EDIL3: variants seen among roughly 807,000 people sequenced by gnomAD.
The protein encoded by EDIL3 is EGF like and discoidin domains 3, also known as EGF-like repeat and discoidin I-like domain-containing protein 3.
In EDIL3, 37 loss-of-function variants were observed where a neutral mutation model predicts 67.4. The ratio of observed to expected loss-of-function variants is 0.55; its 90% CI spans 0.42 to 0.72. The LOEUF is 0.72. Among genes scored for constraint, EDIL3 ranks in the 30% least tolerant of loss-of-function variants. The probability of loss-of-function intolerance (pLI) is 0.00; values close to 1 mark genes in which losing one functional copy is unlikely to be tolerated. For synonymous variants in EDIL3, 195 were observed against 196.3 expected, an observed-to-expected ratio of 0.99 and a Z score of 0.05; for missense variants, 527 against 586.3, an observed-to-expected ratio of 0.90 and a Z score of 1.04.
intron 9 of EDIL3, among the ~76,000 whole-genome samples, chr5:84,055,758 A>C (rs1175377737): frequency 1.3e-5 from 2 of 152,216 alleles, no homozygotes; most frequent in Non-Finnish European, 2.9e-5. Context: ...AACCACAATG[A>C]GATACCATCT....
At chr5:84,327,714 C>T (rs80011161) in intron 1 of EDIL3, among the ~76,000 whole-genome samples, 2,388 of 152,006 alleles carry the variant, frequency 0.016, 70 homozygotes, top group African/African-American at 0.055. Flanking sequence ...TTCCCAAGAC[C>T]ACTTTTCATT....
rs540126456 is a variant in EDIL3 at position 83,974,372 on chromosome 5, T to C, written c.1138-11012A>G. Among the ~76,000 whole-genome samples the C allele has an allele frequency of 2.6e-5, 4 of 151,670 alleles. No individual in the cohort carries two copies. In the Middle Eastern group the frequency reaches 0.01, roughly 387 times the overall value. ...GGTCAGCAGAGAGTTTGGAAAAGAT[T>C]GGAGGGGAGAGAAGAGGGAGATGAC... On this transcript the variant is annotated intron_variant, in intron 9 of 10. Coordinates refer to ENST00000296591, the MANE Select transcript of EDIL3 (RefSeq NM_005711.5).
chr5:84,335,385 T>C (rs1320372423), intron 1 of EDIL3, among the ~76,000 whole-genome samples: 1 of 152,216 alleles, frequency 6.6e-6, no homozygotes, highest in Non-Finnish European at 1.5e-5. Context: ...CTTCTGTTCA[T>C]TCTCCTTTTA....
chr5:84,216,504 T>C (rs1437798790), intron 3 of EDIL3, among the ~76,000 whole-genome samples: 2 of 151,918 alleles, frequency 1.3e-5, no homozygotes, highest in East Asian at 3.9e-4. Context: ...TGCTGTAAGA[T>C]AAGCACAAGT....
intron 4 of EDIL3, among the ~76,000 whole-genome samples, chr5:84,142,803 G>C (rs1748222675): frequency 6.6e-6 from 1 of 150,732 alleles, no homozygotes; most frequent in Non-Finnish European, 1.5e-5. Flanking sequence ...ATTAAAAGGA[G>C]ACAATGATAG....
chr5:84,144,512 G>A (rs925247667), intron 4 of EDIL3, among the ~76,000 whole-genome samples: 1 of 152,110 alleles, frequency 6.6e-6, no homozygotes, highest in Non-Finnish European at 1.5e-5. Context: ...AACTAAATTG[G>A]TCTGGCAGAC....
chr5:84,204,148 A>T (rs1743909274), intron 3 of EDIL3, among the ~76,000 whole-genome samples: 1 of 152,324 alleles, frequency 6.6e-6, no homozygotes, highest in East Asian at 1.9e-4. Context: ...AATAAACTTA[A>T]CCAACATAAT....
intron 1 of EDIL3, among the ~76,000 whole-genome samples, chr5:84,378,891 C>T (rs1474056491): frequency 6.6e-6 from 1 of 152,160 alleles, no homozygotes; most frequent in African/African-American, 2.4e-5. Context: ...CCTTTTCTTT[C>T]CTCACAAAAA....
chr5:83,985,122 AC>A lies in EDIL3; in HGVS notation c.1138-21763del, dbSNP rs1407821783. 1.1e-4 allele frequency among the ~76,000 whole-genome samples: 17 copies of A among 152,094 alleles called. 1 individual carries two copies. In the East Asian group the frequency reaches 3.3e-3, roughly 30 times the overall value. On this transcript the variant is annotated intron_variant, in intron 9 of 10. Coordinates refer to ENST00000296591, the MANE Select transcript of EDIL3 (RefSeq NM_005711.5). ...GGAAAAATGTAGGAGAATGGAGAAG[AC>A]TTTTTCTGCTTGGTGCCTCTAGATT...
At chr5:84,374,995 C>T (rs564501789) in intron 1 of EDIL3, among the ~76,000 whole-genome samples, 4 of 147,120 alleles carry the variant, frequency 2.7e-5, no homozygotes, top group East Asian at 2.0e-4. Flanking sequence ...TTTTTTCAGA[C>T]GGAGTCTCTC....
chr5:84,351,959 T>C (rs72766410), intron 1 of EDIL3, among the ~76,000 whole-genome samples: 39,915 of 151,604 alleles, frequency 0.26, 6,462 homozygotes, highest in Non-Finnish European at 0.37. Flanking sequence ...AGAAAACCCA[T>C]TAAAAAGTGG....
At chr5:84,103,610 G>A (rs1379250275) in intron 6 of EDIL3, among the ~76,000 whole-genome samples, 1 of 151,744 alleles carries the variant, frequency 6.6e-6, no homozygotes, top group Non-Finnish European at 1.5e-5. Context: ...ACAATCATAG[G>A]AAAAAAACCC....
At chr5:84,073,855 T>C (rs1328242463) in intron 6 of EDIL3, among the ~76,000 whole-genome samples, 3 of 151,994 alleles carry the variant, frequency 2.0e-5, no homozygotes, top group Non-Finnish European at 2.9e-5. Flanking sequence ...TACTTTAAAG[T>C]TCATATGGAA....
At chr5:84,329,491 G>C (rs1191574295) in intron 1 of EDIL3, among the ~76,000 whole-genome samples, 1 of 151,986 alleles carries the variant, frequency 6.6e-6, no homozygotes, top group African/African-American at 2.4e-5. Flanking sequence ...CAGTTGTATA[G>C]CTCATTTGAC....
intron 9 of EDIL3, among the ~76,000 whole-genome samples, chr5:84,029,561 T>A (rs148167340): frequency 1.3e-5 from 2 of 152,144 alleles, no homozygotes; most frequent in Admixed American, 1.3e-4. Context: ...AATAAAAGCA[T>A]AAAAATGAAA....
intron 3 of EDIL3, among the ~76,000 whole-genome samples, chr5:84,208,322 G>A (rs944412923): frequency 6.6e-6 from 1 of 152,146 alleles, no homozygotes. Context: ...GGCCATCAGA[G>A]AAATGCAAAT....
intron 9 of EDIL3, among the ~76,000 whole-genome samples, chr5:84,000,986 T>C (rs1468699085): frequency 1.3e-5 from 2 of 151,812 alleles, no homozygotes; most frequent in South Asian, 4.2e-4. Flanking sequence ...GCAGAAGTGG[T>C]ACTAAGAGGA....
intron 1 of EDIL3, among the ~76,000 whole-genome samples, chr5:84,312,634 C>T (rs1014792231): frequency 8.0e-5 from 12 of 150,594 alleles, no homozygotes; most frequent in East Asian, 6.0e-4. Context: ...CCTTCCCGGA[C>T]GGGGCGGCTG....
chr5:84,274,082 A>G (rs777130800), intron 1 of EDIL3, among the ~76,000 whole-genome samples: 58 of 152,096 alleles, frequency 3.8e-4, no homozygotes, highest in Non-Finnish European at 6.6e-4. Context: ...TTTGAATTAG[A>G]GCATCCTAAA....
Sources: allele counts gnomAD v4.1 joint callset (sites outside exome capture counted in the v4.1 genomes callset), GRCh38; gene constraint gnomAD v4.1.1; transcripts MANE v1.5; gene names NCBI Gene and HGNC (gene_info 2026-07-23, HGNC 2026-07-21).